Variants in CASK observed in about 807,000 individuals in gnomAD.
CASK encodes calcium/calmodulin dependent serine protein kinase.
Under a neutral mutation model 82.9 loss-of-function variants are expected in CASK, and 4 were observed. That is an observed-to-expected ratio of 0.05 (90% CI 0.02 to 0.11). The LOEUF (loss-of-function observed/expected upper bound fraction) is 0.11. CASK is among the 10% of genes least tolerant of loss of function. The pLI is 1.00. For missense variants in CASK, 358 were observed against 720.9 expected, an observed-to-expected ratio of 0.50 and a Z score of 5.76; for synonymous variants, 259 against 253.5, an observed-to-expected ratio of 1.02 and a Z score of -0.20.
chrX:41,727,543 T>C lies in CASK; in HGVS notation c.429+11841A>G, dbSNP rs1045250713. On this transcript the variant is annotated intron_variant, in intron 5 of 26. Transcript: ENST00000378163. ...GGGCATAATCATTCCAGTTACCGTA[T>C]ACTACTCAGTCATAGAGGCTACAGA... is the stretch of plus-strand genomic sequence containing the variant. 3.4e-5 allele frequency: 41 copies of C among 1,205,453 alleles called. No individual in the cohort carries two copies. In the East Asian group the frequency reaches 1.2e-3, roughly 34 times the overall value.
At chrX:41,808,067 C>T (rs2070166687) in intron 2 of CASK, among the ~76,000 whole-genome samples, 1 of 111,357 alleles carries the variant, frequency 9.0e-6, no homozygotes, top group Admixed American at 9.6e-5. Context: ...GTTGTCCAGG[C>T]TGGTCTCGAA....
chrX:41,640,730 T>C (rs1178798881), intron 8 of CASK, among the ~76,000 whole-genome samples: 1 of 111,600 alleles, frequency 9.0e-6, no homozygotes, highest in African/African-American at 3.3e-5. Flanking sequence ...TGTTTTCTTA[T>C]TATTGAGTTT....
At chrX:41,744,194 A>C (rs771351101) in intron 4 of CASK, among the ~76,000 whole-genome samples, 44 of 110,751 alleles carry the variant, frequency 4.0e-4, no homozygotes, top group African/African-American at 1.4e-3. Flanking sequence ...CTGGTGACTA[A>C]GGAGGGATGC....
chrX:41,631,662 C>T (rs922995288), intron 9 of CASK, among the ~76,000 whole-genome samples: 14 of 109,003 alleles, frequency 1.3e-4, no homozygotes, highest in African/African-American at 4.7e-4. Context: ...GTAGAGATGG[C>T]GTTTCTCCAT....
intron 5 of CASK, among the ~76,000 whole-genome samples, chrX:41,673,170 T>C (rs776922808): frequency 4.0e-4 from 45 of 112,549 alleles, no homozygotes; most frequent in Non-Finnish European, 7.1e-4. Flanking sequence ...ATGTTGATGA[T>C]GTTTAGGCTT....
At chrX:41,579,653 T>C (rs1336517143) in intron 14 of CASK, among the ~76,000 whole-genome samples, 1 of 112,386 alleles carries the variant, frequency 8.9e-6, no homozygotes, top group Non-Finnish European at 1.9e-5. Context: ...GTGCTAACTA[T>C]AAATTTGGTT....
rs187491968 is a variant in CASK at position 41,704,379 on chromosome X, T to C, written c.430-32849A>G. 2.5e-3 allele frequency among the ~76,000 whole-genome samples: 283 copies of C among 112,219 alleles called. 1 individual carries two copies. Among genetic ancestry groups the C allele is most frequent in the Non-Finnish European group, 4.3e-3 (230 of 53,239 alleles). On this transcript the variant is annotated intron_variant, in intron 5 of 26. Transcript: ENST00000378163. Reference sequence around the variant, plus strand: ...AGTATAGAGGAGTCGAAATCAGGTGTTCCTTGAGAACATGAAAATAGAAAT... The same window carrying C: ...AGTATAGAGGAGTCGAAATCAGGTGCTCCTTGAGAACATGAAAATAGAAAT...
chrX:41,861,328 T>C (rs962940549), intron 1 of CASK, among the ~76,000 whole-genome samples: 3 of 110,820 alleles, frequency 2.7e-5, no homozygotes, highest in Non-Finnish European at 5.7e-5. Flanking sequence ...TTCTAGGTCT[T>C]TGTTAGCTCA....
At chrX:41,607,065 G>C (rs929334684) in intron 12 of CASK, among the ~76,000 whole-genome samples, 2 of 112,696 alleles carry the variant, frequency 1.8e-5, no homozygotes, top group Non-Finnish European at 3.7e-5. Flanking sequence ...GACCTGCACT[G>C]ACAGGGCAGA....
At chrX:41,817,075 G>C (rs1455839204) in intron 2 of CASK, among the ~76,000 whole-genome samples, 1 of 111,750 alleles carries the variant, frequency 8.9e-6, no homozygotes, top group Non-Finnish European at 1.9e-5. Context: ...CAGGTTGGTT[G>C]ATCACTACAA....
chrX:41,791,201 T>C (rs969419707), intron 2 of CASK, among the ~76,000 whole-genome samples: 2 of 109,871 alleles, frequency 1.8e-5, no homozygotes, highest in Non-Finnish European at 3.8e-5. Flanking sequence ...GGTGTTTAGT[T>C]ACATGGAAAA....
Position 41,660,259 on chromosome X carries a change from A to G in CASK, c.831+180T>C, listed in dbSNP as rs759401835. On this transcript the variant is annotated intron_variant, in intron 8 of 26. Coordinates refer to ENST00000378163, the MANE Select transcript of CASK (RefSeq NM_001367721.1). The stretch of plus-strand genomic sequence containing the variant: ...GATAGCTGCATGACACTCAAATGGT[A>G]TGTCTTCTATTCAGATGTTCACAGA... 1.7e-5 allele frequency: 8 copies of G among 475,895 alleles called. No homozygotes were observed. The East Asian group carries it at 2.6e-4, about 15-fold the overall frequency. 39.2% of individuals were successfully genotyped at this position (475,895 alleles called of 1,213,427 possible).
chrX:41,790,158 G>T, intron 2 of CASK: 1 of 850,296 alleles, frequency 1.2e-6, no homozygotes, highest in Non-Finnish European at 1.5e-6. Flanking sequence ...CACAAATGAG[G>T]ACTTTTTATT....
chrX:41,908,329 T>C (rs1488432993), intron 1 of CASK, among the ~76,000 whole-genome samples: 1 of 112,267 alleles, frequency 8.9e-6, no homozygotes, highest in Non-Finnish European at 1.9e-5. Context: ...TGAGCTGAGA[T>C]TGTGCCACTG....
At chrX:41,900,822 T>C (rs1457644242) in intron 1 of CASK, among the ~76,000 whole-genome samples, 2 of 99,600 alleles carry the variant, frequency 2.0e-5, no homozygotes, top group African/African-American at 3.7e-5. Context: ...CTCGGCTCAC[T>C]GTGACCTCTG....
At chrX:41,553,162 C>T (rs1461810610) in intron 21 of CASK, among the ~76,000 whole-genome samples, 1 of 111,850 alleles carries the variant, frequency 8.9e-6, no homozygotes, top group Non-Finnish European at 1.9e-5. Context: ...TGCCTAAAAC[C>T]CCTAACTTTA....
intron 9 of CASK, 69 bp from the exon 10 acceptor site, chrX:41,626,772 A>C: frequency 5.8e-6 from 4 of 691,806 alleles, no homozygotes; most frequent in Non-Finnish European, 9.1e-6. Flanking sequence ...TATTTAACAA[A>C]TTATTTATCT....
chrX:41,859,099 T>C (rs1473170504), intron 1 of CASK, among the ~76,000 whole-genome samples: 1 of 111,653 alleles, frequency 9.0e-6, no homozygotes, highest in East Asian at 2.8e-4. Flanking sequence ...ACACATCATG[T>C]CTCAGGAAAC....
intron 14 of CASK, 91 bp from the exon 15 acceptor site, chrX:41,578,619 C>CAAA: frequency 4.5e-6 from 3 of 673,515 alleles, no homozygotes; most frequent in Non-Finnish European, 4.5e-6. Context: ...GACAGGGTCT[C>CAAA]ACTCTGTCAC....
Sources: allele counts gnomAD v4.1 joint callset (sites outside exome capture counted in the v4.1 genomes callset), GRCh38; gene constraint gnomAD v4.1.1; transcripts MANE v1.5; gene names NCBI Gene and HGNC (gene_info 2026-07-23, HGNC 2026-07-21).